Variants in PCDHGB5 observed in about 807,000 individuals in gnomAD.
PCDHGB5 encodes protocadherin gamma subfamily B, 5.
A neutral mutation model predicts 62.9 loss-of-function variants in PCDHGB5; 48 were observed. That is an observed-to-expected ratio of 0.76 (90% CI 0.61 to 0.97). The LOEUF (loss-of-function observed/expected upper bound fraction) is 0.97. Ranked by LOEUF, PCDHGB5 falls within the 50% of genes least tolerant of loss-of-function variation. The pLI, the probability that PCDHGB5 is intolerant of heterozygous loss-of-function variation, is 0.00. For synonymous variants in PCDHGB5, 474 were observed against 511.2 expected (o/e 0.93, Z 0.98); for missense variants, 1,118 against 1,198.6 (o/e 0.93, Z 0.99).
In PCDHGB5 at chr5:141,486,270, G is replaced by A. The variant is rs1052584402; in HGVS notation, c.2398-8537G>A. 2 of 1,614,062 alleles carry A rather than the reference G, an allele frequency of 1.2e-6. No homozygotes were observed. Reference sequence around the variant, plus strand: ...ACCCTCCCCGAGAGTGCAGAACCTGGCACTGTGGTGGCACTTATCAGTGTG... The same window carrying A: ...ACCCTCCCCGAGAGTGCAGAACCTGACACTGTGGTGGCACTTATCAGTGTG... On this transcript the variant is annotated intron_variant, in intron 1 of 3. Coordinates refer to ENST00000617380, the MANE Select transcript of PCDHGB5 (RefSeq NM_018925.3). This position sits in a 1 kb window ranked among gnomAD's most constrained non-coding sequence, Gnocchi z 5.0.
chr5:141,438,471 A>C (rs1019238906), intron 1 of PCDHGB5, among the ~76,000 whole-genome samples: 4 of 151,396 alleles, frequency 2.6e-5, no homozygotes, highest in Admixed American at 2.6e-4. Flanking sequence ...CAATTATTGG[A>C]AAGTGGTCTC....
intron 1 of PCDHGB5, among the ~76,000 whole-genome samples, chr5:141,435,157 A>G (rs1387976305): frequency 6.6e-6 from 1 of 152,176 alleles, no homozygotes; most frequent in Non-Finnish European, 1.5e-5. Context: ...AAACTTTTGT[A>G]AATAGAGTGG....
chr5:141,415,406 T>G, intron 1 of PCDHGB5: 1 of 1,614,208 alleles, frequency 6.2e-7, no homozygotes. Flanking sequence ...GGCTCGCACT[T>G]TGTGGGCGTG....
intron 1 of PCDHGB5, among the ~76,000 whole-genome samples, chr5:141,447,244 A>T (rs1475037979): frequency 6.6e-6 from 1 of 152,062 alleles, no homozygotes; most frequent in Non-Finnish European, 1.5e-5. Flanking sequence ...GGTTCAAGTG[A>T]TTCTTCTGTC....
At chr5:141,405,339 A>G in intron 1 of PCDHGB5, 1 of 1,614,178 alleles carries the variant, frequency 6.2e-7, no homozygotes, top group Non-Finnish European at 8.5e-7. Context: ...GTCTCTGTTG[A>G]TTCCAAGTTT....
At chr5:141,439,151 C>T (rs563575567) in intron 1 of PCDHGB5, among the ~76,000 whole-genome samples, 1 of 150,892 alleles carries the variant, frequency 6.6e-6, no homozygotes, top group Admixed American at 6.6e-5. Context: ...TGAGATCACG[C>T]CACTGCACTC....
intron 1 of PCDHGB5, among the ~76,000 whole-genome samples, chr5:141,474,770 G>A (rs1221980722): frequency 6.6e-6 from 1 of 152,204 alleles, no homozygotes; most frequent in African/African-American, 2.4e-5. Context: ...GAAATAGTAT[G>A]AGGCTCTAAC....
At chr5:141,408,121 T>C in intron 1 of PCDHGB5, 1 of 1,475,406 alleles carries the variant, frequency 6.8e-7, no homozygotes, top group South Asian at 1.4e-5. Context: ...CCTCCTGTCC[T>C]GGGCCGAATG....
At chr5:141,456,819 C>A (rs1453433865) in intron 1 of PCDHGB5, among the ~76,000 whole-genome samples, 1 of 151,982 alleles carries the variant, frequency 6.6e-6, no homozygotes, top group Non-Finnish European at 1.5e-5. Flanking sequence ...AAAAAATTAG[C>A]CATCGTGGTA....
In PCDHGB5 at chr5:141,477,629, C is replaced by A. The variant is rs1191573380; in HGVS notation, c.2398-17178C>A. The A allele has an allele frequency of 6.2e-7, 1 of 1,614,040 alleles. No individual in the cohort carries two copies. The highest frequency in any genetic ancestry group is 8.5e-7 in the Non-Finnish European group (1 of 1,180,040). ...CTTGGAGCAAGGAGCTGAAACCGGGCTAGTGGGTCGCTATTTCACAATAAA... is the reference window on the plus strand; with the variant it reads ...CTTGGAGCAAGGAGCTGAAACCGGGATAGTGGGTCGCTATTTCACAATAAA... On this transcript the variant is annotated intron_variant, in intron 1 of 3. Coordinates refer to ENST00000617380, the MANE Select transcript of PCDHGB5 (RefSeq NM_018925.3). The surrounding 1 kb of genome is among the most constrained non-coding windows in gnomAD (Gnocchi z 4.9).
Position 141,397,995 on chromosome 5 carries a change from C to T in PCDHGB5, c.-133C>T. 7.3e-7 allele frequency: 1 copy of T among 1,367,706 alleles called. No individual in the cohort carries two copies. Among genetic ancestry groups the T allele is most frequent in the Non-Finnish European group, 9.8e-7 (1 of 1,021,670 alleles). The allele number at this position is 1,367,706 out of a possible 1,614,324, so 84.7% of individuals were successfully genotyped here. On this transcript the variant is annotated 5_prime_UTR_variant, in exon 1 of 4. Transcript: ENST00000617380. ...GCGCCGGCCTTTACACCGCTTCCTC[C>T]TCGGAAAAAGAATCGTTTCCTAAAC... is the stretch of plus-strand genomic sequence containing the variant.
At position 141,410,026 on chromosome 5, in the gene PCDHGB5, G is replaced by A. The variant is rs571122351; in HGVS notation, c.2397+9502G>A. 37 of 1,613,302 alleles carry A rather than the reference G, an allele frequency of 2.3e-5. 2 individuals carry two copies. The East Asian group carries it at 8.0e-4, about 35-fold the overall frequency. On this transcript the variant is annotated intron_variant, in intron 1 of 3. Coordinates refer to ENST00000617380, the MANE Select transcript of PCDHGB5 (RefSeq NM_018925.3). ...ACAACGCCTGGCTGTCCTACCACGTGCTGCAGGCCAGTGAGCCCGGACTCT... is the reference window on the plus strand; with the variant it reads ...ACAACGCCTGGCTGTCCTACCACGTACTGCAGGCCAGTGAGCCCGGACTCT...
chr5:141,489,428 G>C lies in PCDHGB5; in HGVS notation c.2398-5379G>C, dbSNP rs561792279. The C allele has an allele frequency of 1.2e-6, 2 of 1,613,994 alleles. No individual in the cohort carries two copies. Among genetic ancestry groups the C allele is most frequent in the Non-Finnish European group, 1.7e-6 (2 of 1,180,038 alleles). On this transcript the variant is annotated intron_variant, in intron 1 of 3. Coordinates refer to ENST00000617380, the MANE Select transcript of PCDHGB5 (RefSeq NM_018925.3). This position sits in a 1 kb window ranked among gnomAD's most constrained non-coding sequence, Gnocchi z 4.5. The stretch of plus-strand genomic sequence containing the variant: ...AAGATGACAGATCTGTTGAGCCGGC[G>C]GCTGCAATTGGGCTCTGAGGAGAAT...
intron 1 of PCDHGB5, chr5:141,475,971 C>T (rs750016455): frequency 2.1e-5 from 20 of 954,292 alleles, no homozygotes; most frequent in Non-Finnish European, 2.9e-5. Context: ...GAGGCAGAGA[C>T]TGAACAGCCG....
intron 1 of PCDHGB5, among the ~76,000 whole-genome samples, chr5:141,438,216 T>A (rs2097938802): frequency 6.6e-6 from 1 of 152,158 alleles, no homozygotes; most frequent in Non-Finnish European, 1.5e-5. Flanking sequence ...TGGGAAGGGC[T>A]CTGGTTCAGG....
chr5:141,408,609 AG>A, intron 1 of PCDHGB5: 3 of 1,614,088 alleles, frequency 1.9e-6, no homozygotes, highest in Non-Finnish European at 1.7e-6. Context: ...TTTGATAAAA[AG>A]GAAATACATT....
intron 1 of PCDHGB5, among the ~76,000 whole-genome samples, chr5:141,470,239 A>G (rs978204909): frequency 1.3e-5 from 2 of 152,232 alleles, no homozygotes; most frequent in African/African-American, 2.4e-5. Flanking sequence ...AAACCCTTGA[A>G]TGTCCCACCT....
At chr5:141,421,229 T>C (rs776952658) in intron 1 of PCDHGB5, 3 of 1,589,662 alleles carry the variant, frequency 1.9e-6, no homozygotes, top group South Asian at 1.1e-5. Flanking sequence ...GAGCCTGCCA[T>C]GGCGAATCGG....
At chr5:141,447,834 C>T (rs2098552835) in intron 1 of PCDHGB5, among the ~76,000 whole-genome samples, 1 of 151,844 alleles carries the variant, frequency 6.6e-6, no homozygotes, top group African/African-American at 2.4e-5. Flanking sequence ...GCCTGTAATC[C>T]CAGTGCTTTG....
Sources: gnomAD v4.1 joint callset for allele counts (sites outside exome capture counted in the v4.1 genomes callset) on GRCh38, gnomAD v4.1.1 for gene constraint, Gnocchi (gnomAD v3.1) non-coding constraint, MANE v1.5 for transcripts, NCBI Gene and HGNC (gene_info 2026-07-23, HGNC 2026-07-21) for gene names.